Variants in SUGCT observed in about 807,000 individuals in gnomAD.
SUGCT encodes the protein succinyl-CoA:glutarate CoA-transferase.
In SUGCT, 41 loss-of-function variants were observed where a neutral mutation model predicts 55.0. That is an observed-to-expected ratio of 0.74 (90% CI 0.58 to 0.97). The LOEUF (loss-of-function observed/expected upper bound fraction) is 0.97. SUGCT is among the 50% of genes least tolerant of loss of function. The pLI is 0.00. For synonymous variants in SUGCT, 187 were observed against 200.4 expected, an observed-to-expected ratio of 0.93 and a Z score of 0.56; for missense variants, 568 against 547.8, an observed-to-expected ratio of 1.04 and a Z score of -0.37.
chr7:40,311,608 C>T (rs1019326969), intron 8 of SUGCT, among the ~76,000 whole-genome samples: 15 of 152,180 alleles, frequency 9.9e-5, no homozygotes, highest in African/African-American at 3.6e-4. Flanking sequence ...CAACCCCTTT[C>T]CTGCCTTTGA....
At chr7:40,300,639 T>C (rs944143996) in intron 8 of SUGCT, among the ~76,000 whole-genome samples, 7 of 152,208 alleles carry the variant, frequency 4.6e-5, no homozygotes, top group African/African-American at 1.7e-4. Context: ...TAGTATGTCA[T>C]CAAAGGCTGA....
chr7:40,851,843 G>A (rs1309511122), intron 13 of SUGCT, among the ~76,000 whole-genome samples: 1 of 152,130 alleles, frequency 6.6e-6, no homozygotes, highest in Non-Finnish European at 1.5e-5. Flanking sequence ...TGCCCCTTGT[G>A]GACATAAAAT....
intron 13 of SUGCT, among the ~76,000 whole-genome samples, chr7:40,772,581 AT>A (rs1789215952): frequency 1.2e-5 from 1 of 82,552 alleles, no homozygotes; most frequent in Non-Finnish European, 2.9e-5. Context: ...TCTATCTGCT[AT>A]CTATCTATCT....
chr7:40,173,160 T>G (rs1784757173), intron 1 of SUGCT, among the ~76,000 whole-genome samples: 1 of 152,182 alleles, frequency 6.6e-6, no homozygotes, highest in African/African-American at 2.4e-5. Flanking sequence ...ACACCTCTGT[T>G]AGAAGCCGTG....
intron 1 of SUGCT, among the ~76,000 whole-genome samples, chr7:40,180,604 C>G (rs998442512): frequency 2.6e-5 from 4 of 151,968 alleles, no homozygotes; most frequent in Non-Finnish European, 5.9e-5. Flanking sequence ...ATTCTCCTGC[C>G]TCAGCCTCCC....
chr7:40,950,558 A>G, the SUGCT span, among the ~76,000 whole-genome samples: 57,491 of 151,290 alleles, frequency 0.38, 11,504 homozygotes, highest in Admixed American at 0.49. Context: ...AATGCTTCCC[A>G]TTTTCGCCCA....
intron 13 of SUGCT, among the ~76,000 whole-genome samples, chr7:40,780,265 T>C (rs2128736531): frequency 6.6e-6 from 1 of 152,326 alleles, no homozygotes; most frequent in East Asian, 1.9e-4. Context: ...AATCGTGCTG[T>C]TTTCTGTTTT....
chr7:40,180,320 G>A (rs1237602596), intron 1 of SUGCT, among the ~76,000 whole-genome samples: 1 of 151,998 alleles, frequency 6.6e-6, no homozygotes, highest in South Asian at 2.1e-4. Flanking sequence ...GATTTACCAA[G>A]TTGGCCAGGC....
chr7:40,918,055 A>C, the SUGCT span, among the ~76,000 whole-genome samples: 1 of 152,172 alleles, frequency 6.6e-6, no homozygotes, highest in Non-Finnish European at 1.5e-5. Context: ...GGATCACTAC[A>C]TGGAGAGGTG....
At chr7:40,848,773 GTTC>G (rs949014725) in intron 13 of SUGCT, among the ~76,000 whole-genome samples, 1 of 152,144 alleles carries the variant, frequency 6.6e-6, no homozygotes, top group African/African-American at 2.4e-5. Flanking sequence ...CATGGATTGA[GTTC>G]TTCTGTTAAA....
chr7:40,392,995 T>C (rs1050638779), intron 9 of SUGCT, among the ~76,000 whole-genome samples: 59 of 152,164 alleles, frequency 3.9e-4, no homozygotes, highest in African/African-American at 1.3e-3. Context: ...GTGAGTTTGG[T>C]TTGGGGCACA....
At chr7:40,564,847 C>T (rs1796038944) in intron 12 of SUGCT, among the ~76,000 whole-genome samples, 1 of 152,178 alleles carries the variant, frequency 6.6e-6, no homozygotes, top group African/African-American at 2.4e-5. Context: ...TTTATTACTT[C>T]AGAGCAGGCT....
intron 1 of SUGCT, among the ~76,000 whole-genome samples, chr7:40,164,420 G>A (rs1308414330): frequency 6.6e-6 from 1 of 152,086 alleles, no homozygotes; most frequent in South Asian, 2.1e-4. Flanking sequence ...GAGCCACTGC[G>A]CCCGGCCTGA....
chr7:40,757,280 A>C (rs539603920), intron 13 of SUGCT, among the ~76,000 whole-genome samples: 24 of 152,156 alleles, frequency 1.6e-4, no homozygotes, highest in Non-Finnish European at 3.1e-4. Flanking sequence ...TCAGGAGCCA[A>C]GTTACTGTCG....
At chr7:40,499,078 C>T (rs1024129450) in intron 12 of SUGCT, 15 of 456,586 alleles carry the variant, frequency 3.3e-5, no homozygotes, top group African/African-American at 8.0e-5. Context: ...TGCATGGAAA[C>T]GGCCACTTCT....
intron 6 of SUGCT, among the ~76,000 whole-genome samples, chr7:40,226,512 C>G (rs1018830053): frequency 7.9e-5 from 12 of 151,762 alleles, no homozygotes; most frequent in Non-Finnish European, 1.5e-5. Context: ...AGAACTGGCT[C>G]TTGGTTTTGT....
the SUGCT span, among the ~76,000 whole-genome samples, chr7:41,016,935 C>T: frequency 6.6e-6 from 1 of 152,158 alleles, no homozygotes; most frequent in Non-Finnish European, 1.5e-5. Context: ...TACAAATCAA[C>T]CATACAAGGA....
intron 9 of SUGCT, among the ~76,000 whole-genome samples, chr7:40,385,869 G>A (rs1412378695): frequency 1.3e-5 from 2 of 152,136 alleles, no homozygotes; most frequent in Non-Finnish European, 2.9e-5. Context: ...ACTTTATATA[G>A]CATTGCAAAA....
intron 9 of SUGCT, among the ~76,000 whole-genome samples, chr7:40,329,188 A>G (rs1584694370): frequency 6.6e-6 from 1 of 152,244 alleles, no homozygotes; most frequent in East Asian, 1.9e-4. Flanking sequence ...CTGGGGGGAA[A>G]ATAACTGAGT....
Sources: allele counts gnomAD v4.1 joint callset (sites outside exome capture counted in the v4.1 genomes callset), GRCh38; gene constraint gnomAD v4.1.1; transcripts MANE v1.5; gene names NCBI Gene and HGNC (gene_info 2026-07-23, HGNC 2026-07-21).